Variants in ZMYM4 observed in about 807,000 individuals in gnomAD.
ZMYM4 encodes the protein zinc finger MYM-type containing 4.
In ZMYM4, 31 loss-of-function variants were observed where a neutral mutation model predicts 183.2. The observed-to-expected ratio is 0.17, with a 90% confidence interval of 0.13 to 0.23. ZMYM4 has a LOEUF of 0.23. ZMYM4 is among the 10% of genes least tolerant of loss of function. ZMYM4 has a pLI of 1.00. For missense variants in ZMYM4, 1,273 were observed against 1,840.3 expected, an observed-to-expected ratio of 0.69 and a Z score of 5.64; for synonymous variants, 592 against 631.2, an observed-to-expected ratio of 0.94 and a Z score of 0.93.
chr1:35,365,239 CTTTTTTTTTTTTT>C (rs746304675), intron 5 of ZMYM4, among the ~76,000 whole-genome samples: 27 of 85,316 alleles, frequency 3.2e-4, no homozygotes, highest in Non-Finnish European at 6.1e-4. Flanking sequence ...TAATCAAAGT[CTTTTTTTTTTTTT>C]TTTTTTTTTT....
At chr1:35,398,839 CTTAA>C (rs1224196978) in intron 21 of ZMYM4, 21 bp from the exon 22 acceptor site, 9 of 1,607,268 alleles carry the variant, frequency 5.6e-6, no homozygotes, top group African/African-American at 1.3e-5. Context: ...ATTTTGAGGG[CTTAA>C]TTGTTATCTA....
intron 17 of ZMYM4, 151 bp downstream of exon 17, chr1:35,392,835 C>T (rs1644735431): frequency 1.7e-6 from 1 of 584,754 alleles, no homozygotes; most frequent in African/African-American, 2.0e-5. Context: ...ATAGGATTTT[C>T]TGGCTATTTA....
chr1:35,300,288 C>T (rs910820968), intron 1 of ZMYM4, among the ~76,000 whole-genome samples: 1 of 152,196 alleles, frequency 6.6e-6, no homozygotes, highest in African/African-American at 2.4e-5. Context: ...AGCATTGCTT[C>T]TATGAGTCTA....
intron 2 of ZMYM4, among the ~76,000 whole-genome samples, chr1:35,337,179 T>C (rs1643009718): frequency 6.6e-6 from 1 of 151,814 alleles, no homozygotes. Flanking sequence ...GCCAACATGG[T>C]GAAACCCCAT....
At position 35,352,386 on chromosome 1, in the gene ZMYM4, G is replaced by GCGCACACACA. The variant is rs1231646476; in HGVS notation, c.86-6538_86-6537insGCACACACAC. Among the ~76,000 whole-genome samples the GCGCACACACA allele has an allele frequency of 7.6e-4, 98 of 128,466 alleles. 2 individuals carry two copies. Among genetic ancestry groups the GCGCACACACA allele is most frequent in the East Asian group, 2.3e-3 (10 of 4,362 alleles). 84.3% of individuals were successfully genotyped at this position (128,466 alleles called of 152,430 possible). A position where few individuals can be genotyped will look rare whatever the true frequency, so the allele number is the denominator to read the frequency against. On this transcript the variant is annotated intron_variant, in intron 2 of 29. Transcript: ENST00000314607. ...CTCTACTAATAATTTAAAAATTAGCGCACACACACACACACACACACACAC... is the reference window on the plus strand; with the variant it reads ...CTCTACTAATAATTTAAAAATTAGCGCGCACACACACACACACACACACACACACACACAC...
At chr1:35,331,630 A>G (rs1430209073) in intron 2 of ZMYM4, among the ~76,000 whole-genome samples, 2 of 151,858 alleles carry the variant, frequency 1.3e-5, no homozygotes, top group Non-Finnish European at 2.9e-5. Flanking sequence ...TACTAAAAAT[A>G]CAAAAAATTC....
At chr1:35,316,352 T>G (rs1295963015) in intron 1 of ZMYM4, among the ~76,000 whole-genome samples, 1 of 152,228 alleles carries the variant, frequency 6.6e-6, no homozygotes, top group African/African-American at 2.4e-5. Context: ...TCTGATATGC[T>G]TGAATTTCAG....
At chr1:35,290,516 G>A (rs1445777129) in intron 1 of ZMYM4, among the ~76,000 whole-genome samples, 7 of 152,094 alleles carry the variant, frequency 4.6e-5, no homozygotes, top group Non-Finnish European at 1.0e-4. Flanking sequence ...GCTCACTGCA[G>A]CTTTGAACTC....
chr1:35,302,937 T>C (rs963155899), intron 1 of ZMYM4, among the ~76,000 whole-genome samples: 2 of 150,988 alleles, frequency 1.3e-5, no homozygotes, highest in African/African-American at 2.4e-5. Flanking sequence ...GGCCAGGAGT[T>C]TGAGACCAGC....
intron 1 of ZMYM4, among the ~76,000 whole-genome samples, chr1:35,280,151 T>TCTTC (rs1007564715): frequency 1.3e-5 from 2 of 151,396 alleles, no homozygotes; most frequent in African/African-American, 4.9e-5. Flanking sequence ...TCTCTTTCTT[T>TCTTC]CTTCCTTCCT....
At chr1:35,378,213 A>C (rs12069911) in intron 7 of ZMYM4, among the ~76,000 whole-genome samples, 9,801 of 152,214 alleles carry the variant, frequency 0.064, 922 homozygotes, top group East Asian at 0.44. Context: ...AGAAGTCTCA[A>C]ACTCCTCAGA....
Position 35,399,603 on chromosome 1 carries a change from C to A in ZMYM4, c.3528+27C>A, listed in dbSNP as rs769990721. On this transcript the variant is annotated intron_variant, in intron 23 of 29. Transcript: ENST00000314607. Reference sequence around the variant, plus strand: ...TAAGCTGCAGCTTAACTTTTCTAGACTTTTCTTTCCTTCATTCTACAAGCA... The same window carrying A: ...TAAGCTGCAGCTTAACTTTTCTAGAATTTTCTTTCCTTCATTCTACAAGCA... The A allele has an allele frequency of 8.1e-6, 13 of 1,609,752 alleles. No homozygotes were observed. In the African/African-American group the frequency reaches 1.7e-4, roughly 22 times the overall value.
rs1459823975 is a variant in ZMYM4, at chr1:35,398,471, G to A, written c.3253+5G>A. 1.9e-6 allele frequency: 3 copies of A among 1,610,788 alleles called. No individual in the cohort carries two copies. Among genetic ancestry groups the A allele is most frequent in the South Asian group, 1.1e-5 (1 of 90,376 alleles). The stretch of plus-strand genomic sequence containing the variant: ...ACACCAAGATATTTGAAAAAGGTTT[G>A]TAGTTGAAAATATGTTTTGATTTTT... On this transcript the variant is annotated splice_donor_5th_base_variant and intron_variant, in intron 21 of 29. Coordinates refer to ENST00000314607, the MANE Select transcript of ZMYM4 (RefSeq NM_005095.3).
At chr1:35,372,679 T>A (rs112691650) in intron 7 of ZMYM4, among the ~76,000 whole-genome samples, 3 of 152,062 alleles carry the variant, frequency 2.0e-5, no homozygotes, top group Admixed American at 1.3e-4. Flanking sequence ...GATTTTGGAT[T>A]TTTAAAAAGG....
chr1:35,344,199 G>A (rs756766844), intron 2 of ZMYM4, among the ~76,000 whole-genome samples: 1 of 151,878 alleles, frequency 6.6e-6, no homozygotes, highest in Non-Finnish European at 1.5e-5. Context: ...AATTACAGGC[G>A]TGTGCCACCA....
At chr1:35,275,631 A>G (rs1182818858) in intron 1 of ZMYM4, among the ~76,000 whole-genome samples, 1 of 152,236 alleles carries the variant, frequency 6.6e-6, no homozygotes, top group Non-Finnish European at 1.5e-5. Flanking sequence ...GAGAACAGCC[A>G]CTATTTAAAG....
At chr1:35,352,289 A>G (rs1271837020) in intron 2 of ZMYM4, among the ~76,000 whole-genome samples, 8 of 151,460 alleles carry the variant, frequency 5.3e-5, no homozygotes, top group African/African-American at 1.9e-4. Context: ...ACACACACAC[A>G]CACACACACA....
intron 23 of ZMYM4, among the ~76,000 whole-genome samples, chr1:35,404,327 C>T (rs1173765295): frequency 6.6e-6 from 1 of 152,190 alleles, no homozygotes; most frequent in Non-Finnish European, 1.5e-5. Flanking sequence ...TCCCAGAGTG[C>T]TGGCATTACA....
chr1:35,362,040 C>T (rs1017406922), intron 5 of ZMYM4, among the ~76,000 whole-genome samples: 3 of 152,116 alleles, frequency 2.0e-5, no homozygotes, highest in African/African-American at 7.2e-5. Flanking sequence ...TGCATTTTAG[C>T]GCAAGGCTTT....
Sources: allele counts gnomAD v4.1 joint callset (sites outside exome capture counted in the v4.1 genomes callset), GRCh38; gene constraint gnomAD v4.1.1; transcripts MANE v1.5; gene names NCBI Gene and HGNC (gene_info 2026-07-23, HGNC 2026-07-21).